The following UBE3C variants were observed in gnomAD, a reference collection of about 807,000 sequenced individuals.
UBE3C encodes ubiquitin-protein ligase E3C.
A neutral mutation model predicts 129.4 loss-of-function variants in UBE3C; 42 were observed. The ratio of observed to expected loss-of-function variants is 0.32; its 90% CI spans 0.25 to 0.42. The LOEUF (loss-of-function observed/expected upper bound fraction) is 0.42, where lower values mean the gene tolerates loss of function less well. Among genes scored for constraint, UBE3C ranks in the 10% least tolerant of loss-of-function variants. The pLI is 1.00. For missense variants in UBE3C, 1,049 were observed against 1,319.1 expected, an observed-to-expected ratio of 0.80 and a Z score of 3.17; for synonymous variants, 510 against 492.4, an observed-to-expected ratio of 1.04 and a Z score of -0.47.
chr7:157,241,853 C>A (rs1234930860), intron 18 of UBE3C, among the ~76,000 whole-genome samples: 2 of 152,174 alleles, frequency 1.3e-5, no homozygotes, highest in Non-Finnish European at 2.9e-5. Context: ...AGCACTGACA[C>A]ATGGCACACA....
At chr7:157,231,039 G>C (rs1326850440) in intron 17 of UBE3C, 41 bp from the exon 18 acceptor site, 5 of 1,605,370 alleles carry the variant, frequency 3.1e-6, no homozygotes, top group Admixed American at 1.7e-5. Flanking sequence ...TTGCTTGCTT[G>C]TAACATCTTT....
At chr7:157,235,615 G>A (rs1796133488) in intron 18 of UBE3C, among the ~76,000 whole-genome samples, 1 of 152,168 alleles carries the variant, frequency 6.6e-6, no homozygotes, top group South Asian at 2.1e-4. Context: ...ATCCAGGGAA[G>A]AGAATTTGTG....
Position 157,261,218 on chromosome 7 carries a change from A to G in UBE3C, c.3081+4174A>G, listed in dbSNP as rs193140870. On this transcript the variant is annotated intron_variant, in intron 22 of 22. Coordinates refer to ENST00000348165, the MANE Select transcript of UBE3C (RefSeq NM_014671.3). The stretch of plus-strand genomic sequence containing the variant: ...CTACTTGGGAGGCTGAGGCAGGAGA[A>G]TGGCTTGAACCCGGAAGGTGGAGGT... Among the ~76,000 whole-genome samples the G allele has an allele frequency of 3.5e-3, 523 of 148,326 alleles. 2 individuals carry two copies. Among genetic ancestry groups the G allele is most frequent in the African/African-American group, 0.012 (488 of 40,588 alleles).
chr7:157,261,742 T>G (rs1248902522), intron 22 of UBE3C, among the ~76,000 whole-genome samples: 1 of 152,222 alleles, frequency 6.6e-6, no homozygotes, highest in Non-Finnish European at 1.5e-5. Context: ...TAACATCTGC[T>G]AAAGCTAATT....
intron 1 of UBE3C, among the ~76,000 whole-genome samples, chr7:157,156,300 C>G (rs1161662541): frequency 2.3e-5 from 2 of 85,886 alleles, no homozygotes; most frequent in Non-Finnish European, 4.3e-5. Flanking sequence ...ACCCCCAGTT[C>G]TTTTTTTTTT....
chr7:157,252,911 G>GT (rs1796654561), intron 19 of UBE3C, among the ~76,000 whole-genome samples: 1 of 152,042 alleles, frequency 6.6e-6, no homozygotes, highest in South Asian at 2.1e-4. Context: ...TTGTTTTTTT[G>GT]TTTTGTTTTA....
At chr7:157,239,819 G>C (rs1040380522) in intron 18 of UBE3C, among the ~76,000 whole-genome samples, 3 of 152,202 alleles carry the variant, frequency 2.0e-5, no homozygotes, top group Non-Finnish European at 4.4e-5. Context: ...GGCGCCACAG[G>C]CTGCGTGTCC....
Position 157,207,874 on chromosome 7 carries a change from C to G in UBE3C, c.1748C>G (p.Thr583Ser). The change falls in exon 13 of 23, where the codon ACT becomes AGT. Residue 583 changes from threonine (T) to serine (S), a missense_variant. By Grantham distance (58) the Thr-to-Ser change is moderately conservative. This residue lies in a region of UBE3C where 314 missense variants were observed against 416.9 expected (regional missense o/e 0.75). Coordinates refer to ENST00000348165, the MANE Select transcript of UBE3C (RefSeq NM_014671.3). ...GCATTTCAGAGTATTGGAGTTACTA[C>G]TAGCTCTGAAATGCAACAATGCATA... ...ITAFQSIGVT[T>S]SSEMQQCIQM... The G allele has an allele frequency of 6.2e-7, 1 of 1,613,316 alleles. No homozygotes were observed. Among genetic ancestry groups the G allele is most frequent in the Non-Finnish European group, 8.5e-7 (1 of 1,179,786 alleles).
chr7:157,179,934 CTT>C, intron 6 of UBE3C, among the ~76,000 whole-genome samples: 1 of 152,106 alleles, frequency 6.6e-6, no homozygotes, highest in East Asian at 1.9e-4. Flanking sequence ...GGAATTTGAT[CTT>C]TTTAAAAACT....
chr7:157,241,521 G>A (rs1002687850), intron 18 of UBE3C, among the ~76,000 whole-genome samples: 18 of 152,332 alleles, frequency 1.2e-4, no homozygotes, highest in African/African-American at 3.8e-4. Flanking sequence ...AGGCTGCCGC[G>A]CACACCCGCG....
chr7:157,169,666 G>A (rs1808313037), intron 3 of UBE3C, among the ~76,000 whole-genome samples: 1 of 151,690 alleles, frequency 6.6e-6, no homozygotes, highest in Non-Finnish European at 1.5e-5. Context: ...ATAAGCCACT[G>A]CGCCTGGCCT....
chr7:157,181,369 A>G (rs912959637), intron 6 of UBE3C, 149 bp from the exon 7 acceptor site: 38 of 658,044 alleles, frequency 5.8e-5, no homozygotes, highest in Non-Finnish European at 7.9e-5. Context: ...GGCTGCCTAT[A>G]TATTTGTTTA....
intron 11 of UBE3C, among the ~76,000 whole-genome samples, chr7:157,205,763 C>CT (rs1809416635): frequency 6.6e-6 from 1 of 152,254 alleles, no homozygotes; most frequent in South Asian, 2.1e-4. Context: ...ATCATGTATG[C>CT]TCAGGTTGTG....
Position 157,175,137 on chromosome 7 carries a change from C to CTTTTTTTTTTT in UBE3C, c.458+114_458+124dup, listed in dbSNP as rs56852731. The CTTTTTTTTTTT allele has an allele frequency of 3.5e-3, 890 of 252,410 alleles. 33 individuals carry two copies. Among genetic ancestry groups the CTTTTTTTTTTT allele is most frequent in the African/African-American group, 9.1e-3 (221 of 24,192 alleles). The allele number at this position is 252,410 out of a possible 1,614,324, so 15.6% of individuals were successfully genotyped here. On this transcript the variant is annotated intron_variant, in intron 5 of 22. Coordinates refer to ENST00000348165, the MANE Select transcript of UBE3C (RefSeq NM_014671.3). ...TTTCAGAGACAGTGGCTTTTCCATA[C>CTTTTTTTTTTT]TTTTTTTTTTTTTTTTTTTTTGAGG...
chr7:157,257,946 C>G (rs888912046), intron 22 of UBE3C, among the ~76,000 whole-genome samples: 49 of 135,920 alleles, frequency 3.6e-4, no homozygotes, highest in African/African-American at 1.3e-3. Flanking sequence ...TTCCTTTTTT[C>G]TTTTTTTTTT....
intron 13 of UBE3C, among the ~76,000 whole-genome samples, chr7:157,212,091 A>G (rs1385431958): frequency 6.6e-6 from 1 of 152,220 alleles, no homozygotes; most frequent in East Asian, 1.9e-4. Flanking sequence ...TGTATTTCCC[A>G]CATTGCACAT....
chr7:157,164,318 A>C, intron 2 of UBE3C: 1 of 455,606 alleles, frequency 2.2e-6, no homozygotes, highest in East Asian at 7.0e-5. Context: ...CACCATGCCC[A>C]GCTAATTTTT....
intron 9 of UBE3C, among the ~76,000 whole-genome samples, chr7:157,186,175 G>A (rs1808799657): frequency 6.6e-6 from 1 of 152,100 alleles, no homozygotes; most frequent in Admixed American, 6.5e-5. Flanking sequence ...TGTAATCTCA[G>A]CACTTGGGAA....
intron 18 of UBE3C, among the ~76,000 whole-genome samples, chr7:157,233,180 G>A (rs1306693839): frequency 6.6e-6 from 1 of 151,882 alleles, no homozygotes; most frequent in Non-Finnish European, 1.5e-5. Flanking sequence ...TTTGTGATTG[G>A]CTTCTTTGAT....
Sources: allele counts gnomAD v4.1 joint callset (sites outside exome capture counted in the v4.1 genomes callset), GRCh38; gene constraint gnomAD v4.1.1; regional missense constraint gnomAD v4.1.1; transcripts MANE v1.5; gene names NCBI Gene and HGNC (gene_info 2026-07-23, HGNC 2026-07-21).